ADARB2: variants seen among roughly 807,000 people sequenced by gnomAD.
The protein encoded by ADARB2 is inactive double-stranded RNA-specific editase B2.
A neutral mutation model predicts 62.2 loss-of-function variants in ADARB2; 25 were observed. The ratio of observed to expected loss-of-function variants is 0.40; its 90% CI spans 0.29 to 0.56. The LOEUF (loss-of-function observed/expected upper bound fraction) is 0.56, where lower values mean the gene tolerates loss of function less well. ADARB2 is among the 20% of genes least tolerant of loss of function. ADARB2 has a pLI of 0.43. For missense variants in ADARB2, 1,071 were observed against 1,077.4 expected (o/e 0.99, Z 0.08); for synonymous variants, 572 against 500.8 (o/e 1.14, Z -1.90).
chr10:1,478,641 C>A (rs935151470), intron 1 of ADARB2, among the ~76,000 whole-genome samples: 1 of 149,584 alleles, frequency 6.7e-6, no homozygotes, highest in Non-Finnish European at 1.5e-5. Flanking sequence ...GACCCTCGGA[C>A]GGGAGAGCAC....
intron 1 of ADARB2, among the ~76,000 whole-genome samples, chr10:1,656,508 G>C (rs1293338367): frequency 6.6e-6 from 1 of 151,242 alleles, no homozygotes; most frequent in African/African-American, 2.4e-5. Context: ...GGGGGAAAGA[G>C]AGAGAGGGAA....
chr10:1,452,651 G>C (rs1434470947), intron 1 of ADARB2, among the ~76,000 whole-genome samples: 2 of 150,896 alleles, frequency 1.3e-5, no homozygotes, highest in South Asian at 2.1e-4. Flanking sequence ...GGGCCTGTTG[G>C]GGGGTTGGGG....
intron 1 of ADARB2, among the ~76,000 whole-genome samples, chr10:1,498,372 T>C (rs1384471860): frequency 9.1e-6 from 1 of 110,036 alleles, no homozygotes; most frequent in Non-Finnish European, 1.9e-5. Context: ...TGAAACTCTG[T>C]CTCAAATAAA....
At chr10:1,624,424 C>T (rs1048517527) in intron 1 of ADARB2, among the ~76,000 whole-genome samples, 1 of 152,186 alleles carries the variant, frequency 6.6e-6, no homozygotes, top group Non-Finnish European at 1.5e-5. Context: ...GCTCCGAGCA[C>T]AGCCCCACAG....
intron 3 of ADARB2, among the ~76,000 whole-genome samples, chr10:1,336,044 A>C (rs1430301822): frequency 1.7e-4 from 26 of 152,250 alleles, no homozygotes; most frequent in Admixed American, 1.7e-3. Context: ...TGGTTGTAGA[A>C]TGCAGTGATT....
At position 1,609,686 on chromosome 10, in the gene ADARB2, G is replaced by A. The variant is rs184716118; in HGVS notation, c.100+127365C>T. Among the ~76,000 whole-genome samples the A allele has an allele frequency of 3.8e-3, 577 of 152,304 alleles. 2 individuals carry two copies. The highest frequency in any genetic ancestry group is 6.1e-3 in the Non-Finnish European group (414 of 68,024). ...CACCCTAGGAAGACGCTTCCCTTGGGGACACTCTTTTATCAACACAGGGAG... is the reference window on the plus strand; with the variant it reads ...CACCCTAGGAAGACGCTTCCCTTGGAGACACTCTTTTATCAACACAGGGAG... On this transcript the variant is annotated intron_variant, in intron 1 of 9. Coordinates refer to ENST00000381312, the MANE Select transcript of ADARB2 (RefSeq NM_018702.4).
intron 5 of ADARB2, among the ~76,000 whole-genome samples, chr10:1,241,779 C>G (rs1409019626): frequency 1.3e-5 from 2 of 152,192 alleles, no homozygotes; most frequent in Non-Finnish European, 2.9e-5. Context: ...CACTCACGTT[C>G]TCTGAGGGCA....
intron 1 of ADARB2, among the ~76,000 whole-genome samples, chr10:1,529,798 C>T (rs576257947): frequency 2.1e-4 from 32 of 152,330 alleles, no homozygotes; most frequent in South Asian, 6.2e-4. Flanking sequence ...CAGGGGCACG[C>T]GCAGGGCAAA....
At chr10:1,646,237 C>T (rs1399735968) in intron 1 of ADARB2, among the ~76,000 whole-genome samples, 1 of 152,200 alleles carries the variant, frequency 6.6e-6, no homozygotes, top group African/African-American at 2.4e-5. Flanking sequence ...CAGCCTAGCT[C>T]GTGACAGTTC....
chr10:1,603,104 C>T (rs1392851378), intron 1 of ADARB2, among the ~76,000 whole-genome samples: 1 of 148,328 alleles, frequency 6.7e-6, no homozygotes, highest in Non-Finnish European at 1.5e-5. Context: ...CACATCAACA[C>T]ACACACCTAT....
At chr10:1,581,130 A>G (rs764412042) in intron 1 of ADARB2, among the ~76,000 whole-genome samples, 25 of 152,178 alleles carry the variant, frequency 1.6e-4, no homozygotes, top group Non-Finnish European at 2.8e-4. Context: ...GGCCCTCTAT[A>G]TCCTCGCCAA....
chr10:1,717,287 G>A (rs930025687), intron 1 of ADARB2, among the ~76,000 whole-genome samples: 3 of 146,206 alleles, frequency 2.1e-5, no homozygotes, highest in African/African-American at 7.6e-5. Flanking sequence ...CTGTGTATTT[G>A]GTTGCACAGG....
At chr10:1,228,927 C>T (rs1004685453) in intron 6 of ADARB2, among the ~76,000 whole-genome samples, 3 of 152,216 alleles carry the variant, frequency 2.0e-5, no homozygotes, top group Admixed American at 6.5e-5. Flanking sequence ...AACCTGCTGG[C>T]TCAAAACCCG....
chr10:1,684,524 AG>A (rs1287250223), intron 1 of ADARB2, among the ~76,000 whole-genome samples: 8 of 152,210 alleles, frequency 5.3e-5, no homozygotes, highest in Non-Finnish European at 1.2e-4. Context: ...ACTTTTCTTA[AG>A]ATATTTCTGT....
intron 3 of ADARB2, among the ~76,000 whole-genome samples, chr10:1,327,218 T>TCACTGCC (rs1831869790): frequency 6.1e-5 from 3 of 49,160 alleles, no homozygotes; most frequent in South Asian, 1.7e-3. Context: ...TCCTCACAGT[T>TCACTGCC]CAGCGCCTCC....
chr10:1,603,202 C>T (rs896256190), intron 1 of ADARB2, among the ~76,000 whole-genome samples: 4 of 152,044 alleles, frequency 2.6e-5, no homozygotes, highest in Non-Finnish European at 2.9e-5. Context: ...CACATGTGGC[C>T]GGGGTGGAGC....
intron 1 of ADARB2, among the ~76,000 whole-genome samples, chr10:1,450,271 G>A (rs1463385186): frequency 6.6e-6 from 1 of 152,252 alleles, no homozygotes. Context: ...TGCAATTATA[G>A]TCTGTTACAT....
At chr10:1,717,392 C>T (rs1835033040) in intron 1 of ADARB2, among the ~76,000 whole-genome samples, 1 of 151,790 alleles carries the variant, frequency 6.6e-6, no homozygotes, top group African/African-American at 2.4e-5. Flanking sequence ...GAACCTCCCT[C>T]TGCACCCACT....
chr10:1,347,129 G>A (rs1832087943), intron 3 of ADARB2, among the ~76,000 whole-genome samples: 1 of 152,186 alleles, frequency 6.6e-6, no homozygotes, highest in Non-Finnish European at 1.5e-5. Flanking sequence ...CATTCCCTTC[G>A]GTTCTGCTCT....
Sources: allele counts gnomAD v4.1 joint callset (sites outside exome capture counted in the v4.1 genomes callset), GRCh38; gene constraint gnomAD v4.1.1; transcripts MANE v1.5; gene names NCBI Gene and HGNC (gene_info 2026-07-23, HGNC 2026-07-21).